The following ZNF606 variants were observed in gnomAD, a reference collection of about 807,000 sequenced individuals.
ZNF606 encodes zinc finger protein 328.
ZNF606 carries 37 observed loss-of-function variants against 74.9 expected under a neutral mutation model. That is an observed-to-expected ratio of 0.49 (90% CI 0.38 to 0.65). ZNF606 has a LOEUF of 0.65. ZNF606 is among the 30% of genes least tolerant of loss of function. The pLI, the probability that ZNF606 is intolerant of heterozygous loss-of-function variation, is 0.00. For synonymous variants in ZNF606, 328 were observed against 312.4 expected (o/e 1.05, Z -0.53); for missense variants, 852 against 952.9 (o/e 0.89, Z 1.39).
At chr19:58,001,080 C>T (rs948277729) in intron 2 of ZNF606, 16 of 593,632 alleles carry the variant, frequency 2.7e-5, no homozygotes, top group Non-Finnish European at 4.6e-5. Context: ...AAACTAATGA[C>T]ACCTCTCAGG....
chr19:57,997,795 C>G (rs1424528591), intron 4 of ZNF606: 1 of 152,222 alleles, frequency 6.6e-6, no homozygotes, highest in Non-Finnish European at 1.5e-5. Context: ...GCTAGTCTAG[C>G]TTCACTACTG....
At chr19:58,002,944 A>G (rs1466742663), upstream of ZNF606, 4 of 455,456 alleles carry the variant, frequency 8.8e-6, no homozygotes, top group Admixed American at 9.4e-5. Context: ...CGGGGTTGGG[A>G]CCTTTCTGGC....
intron 6 of ZNF606, among the ~76,000 whole-genome samples, chr19:57,984,462 T>A (rs2073135386): frequency 6.6e-6 from 1 of 152,208 alleles, no homozygotes; most frequent in Non-Finnish European, 1.5e-5. Flanking sequence ...ACTGGAGAGA[T>A]TCTCCACAAA....
intron 1 of ZNF606, among the ~76,000 whole-genome samples, chr19:58,001,602 G>C (rs1483068631): frequency 1.3e-5 from 2 of 152,188 alleles, no homozygotes; most frequent in East Asian, 1.9e-4. Context: ...AAATTTGTCA[G>C]CTATTCCCAA....
intron 5 of ZNF606, 130 bp downstream of exon 5, chr19:57,988,465 C>A: frequency 6.9e-7 from 1 of 1,451,390 alleles, no homozygotes; most frequent in South Asian, 1.3e-5. Flanking sequence ...ATCCCTGAAC[C>A]TCAGGGCCCA....
At chr19:57,982,481 G>C (rs188305610) in intron 6 of ZNF606, among the ~76,000 whole-genome samples, 1 of 152,278 alleles carries the variant, frequency 6.6e-6, no homozygotes, top group Non-Finnish European at 1.5e-5. Flanking sequence ...CTGGAGATTA[G>C]GATGCAGATA....
rs1458287648 is a variant in ZNF606, at chr19:57,978,270, A to G, written c.*31T>C. ...TAGGGTTTTCCTCAATGTGTTGTCA[A>G]ATGTACAAGAAACGAAAAACTCGCA... is the stretch of plus-strand genomic sequence containing the variant. On this transcript the variant is annotated 3_prime_UTR_variant, in exon 7 of 7. Transcript: ENST00000551380. This position sits in a 1 kb window ranked among gnomAD's most constrained non-coding sequence, Gnocchi z 4.4. The G allele has an allele frequency of 2.0e-6, 3 of 1,525,898 alleles. No individual in the cohort carries two copies. Among genetic ancestry groups the G allele is most frequent in the Non-Finnish European group, 2.6e-6 (3 of 1,138,166 alleles). The allele number at this position is 1,525,898 out of a possible 1,614,324, so 94.5% of individuals were successfully genotyped here. A position where few individuals can be genotyped will look rare whatever the true frequency, so the allele number is the denominator to read the frequency against.
At position 57,988,683 on chromosome 19, in the gene ZNF606, G is replaced by A. The variant is rs757048326; in HGVS notation, c.216C>T (p.Thr72=). The change falls in exon 5 of 7, where the codon ACC becomes ACT. Residue 72 remains threonine, a synonymous_variant. Transcript: ENST00000551380. The part of the protein sequence containing the change: ...VTFKDVAVDF[T]QEEWGQLDLV... Reference sequence around the variant, plus strand: ...GGTCCAGCTGCCCCCACTCTTCTTGGGTGAAGTCCACGGCCACGTCCTTGA... The same window carrying A: ...GGTCCAGCTGCCCCCACTCTTCTTGAGTGAAGTCCACGGCCACGTCCTTGA... 6.2e-7 allele frequency: 1 copy of A among 1,614,042 alleles called. No homozygotes were observed. Among genetic ancestry groups the A allele is most frequent in the South Asian group, 1.1e-5 (1 of 91,070 alleles).
chr19:57,988,861 T>C lies in ZNF606; in HGVS notation c.178-140A>G, dbSNP rs541406628. On this transcript the variant is annotated intron_variant, in intron 4 of 6. Transcript: ENST00000551380. ...TGGTTATTCAAGAGTCTGACTAATG[T>C]GAGTCAGGTCTCATTGAGAACCACC... 12 of 1,377,932 alleles carry C rather than the reference T, an allele frequency of 8.7e-6. No individual in the cohort carries two copies. The East Asian group carries it at 2.8e-4, about 32-fold the overall frequency. 85.4% of individuals were successfully genotyped at this position (1,377,932 alleles called of 1,614,324 possible).
intron 6 of ZNF606, among the ~76,000 whole-genome samples, chr19:57,981,427 C>T (rs1244306754): frequency 6.6e-6 from 1 of 151,720 alleles, no homozygotes; most frequent in African/African-American, 2.4e-5. Context: ...ACAAAAGGAC[C>T]CAGTGAATGT....
At chr19:58,002,196 C>T (rs939270556) in intron 1 of ZNF606, 200 bp downstream of exon 1, 26 of 456,720 alleles carry the variant, frequency 5.7e-5, no homozygotes, top group Non-Finnish European at 1.1e-4. Flanking sequence ...GGAGCTGTTT[C>T]CAACCCAGGT....
At chr19:58,003,122 A>G (rs577973407), upstream of ZNF606, 42 of 416,866 alleles carry the variant, frequency 1.0e-4, no homozygotes, top group South Asian at 6.7e-4. Context: ...TCCCGGGAGG[A>G]GCTCGGCGAG....
At chr19:58,000,079 A>C in intron 3 of ZNF606, 183 bp from the exon 4 acceptor site, 2 of 531,494 alleles carry the variant, frequency 3.8e-6, no homozygotes, top group Admixed American at 7.4e-5. Flanking sequence ...AAACACATGA[A>C]TCTCTCATTG....
intron 4 of ZNF606, chr19:57,999,514 G>A (rs1035521): frequency 0.22 from 109,306 of 500,164 alleles, 12,768 homozygotes; most frequent in Middle Eastern, 0.25. Context: ...CTAAAGACAT[G>A]AGTGAAGGTG....
In ZNF606 at chr19:58,002,581, G is replaced by A. The variant is rs780144820; in HGVS notation, c.-237C>T. 1.1e-5 allele frequency: 5 copies of A among 438,462 alleles called. No individual in the cohort carries two copies. In the East Asian group the frequency reaches 2.9e-4, roughly 25 times the overall value. The allele number at this position is 438,462 out of a possible 1,614,324, so 27.2% of individuals were successfully genotyped here. A position where few individuals can be genotyped will look rare whatever the true frequency, so the allele number is the denominator to read the frequency against. ...CAGCAGAGTTCACCCAGGCCCGTCC[G>A]ACCAGAAAACGAAGAACGCCCGGAG... On this transcript the variant is annotated 5_prime_UTR_variant, in exon 1 of 7. Coordinates refer to ENST00000551380, the MANE Select transcript of ZNF606 (RefSeq NM_001348022.3).
intron 4 of ZNF606, among the ~76,000 whole-genome samples, chr19:57,990,507 T>C (rs1219574780): frequency 8.1e-6 from 1 of 123,810 alleles, no homozygotes; most frequent in East Asian, 2.4e-4. Flanking sequence ...AGTACTGCAC[T>C]CCAAACTGGG....
chr19:58,000,227 T>TC lies in ZNF606; in HGVS notation c.89-332dup, dbSNP rs2073399489. Reference sequence around the variant, plus strand: ...CCATCACCTTACTGCTCACTGGTTTTCTTTTTTTTTTTGAGACTGAGTCTC... The same window carrying TC: ...CCATCACCTTACTGCTCACTGGTTTTCCTTTTTTTTTTTGAGACTGAGTCTC... On this transcript the variant is annotated intron_variant, in intron 3 of 6. Transcript: ENST00000551380. 1.8e-5 allele frequency: 7 copies of TC among 384,020 alleles called. No homozygotes were observed. The Admixed American group carries it at 3.3e-4, about 18-fold the overall frequency. 23.8% of individuals were successfully genotyped at this position (384,020 alleles called of 1,614,324 possible).
In ZNF606 at chr19:57,992,335, T is replaced by C. The variant is rs1403957148; in HGVS notation, c.178-3614A>G. Among the ~76,000 whole-genome samples the C allele has an allele frequency of 2.0e-5, 3 of 152,246 alleles. No individual in the cohort carries two copies. The East Asian group carries it at 5.8e-4, about 29-fold the overall frequency. ...AGACACCATGTGCCCACTGATGCAA[T>C]GCAGTATGAAGAACCCAGCACCACC... is the stretch of plus-strand genomic sequence containing the variant. On this transcript the variant is annotated intron_variant, in intron 4 of 6. Transcript: ENST00000551380.
intron 6 of ZNF606, among the ~76,000 whole-genome samples, chr19:57,986,057 G>A (rs1173936059): frequency 6.7e-6 from 1 of 149,820 alleles, no homozygotes; most frequent in Non-Finnish European, 1.5e-5. Context: ...AAACGACTCA[G>A]GCCAGAAAGA....
Sources: allele counts gnomAD v4.1 joint callset (sites outside exome capture counted in the v4.1 genomes callset), GRCh38; gene constraint gnomAD v4.1.1; non-coding constraint Gnocchi (gnomAD v3.1); transcripts MANE v1.5; gene names NCBI Gene and HGNC (gene_info 2026-07-23, HGNC 2026-07-21).